Variants in QKI observed in about 807,000 individuals in gnomAD.
QKI encodes QKI, KH domain containing RNA binding, also known as KH domain-containing RNA-binding protein QKI.
Under a neutral mutation model 39.0 loss-of-function variants are expected in QKI, and 10 were observed. That is an observed-to-expected ratio of 0.26 (90% CI 0.16 to 0.43). QKI has a LOEUF of 0.43. Among genes scored for constraint, QKI ranks in the 20% least tolerant of loss-of-function variants. The pLI is 1.00. For synonymous variants in QKI, 204 were observed against 155.4 expected, an observed-to-expected ratio of 1.31 and a Z score of -2.33; for missense variants, 218 against 428.0, an observed-to-expected ratio of 0.51 and a Z score of 4.33.
chr6:163,484,639 T>C (rs1365106198), intron 3 of QKI, among the ~76,000 whole-genome samples: 1 of 152,190 alleles, frequency 6.6e-6, no homozygotes, highest in Non-Finnish European at 1.5e-5. Context: ...AGGCATTGAC[T>C]TCTCTCTAGC....
At chr6:163,442,545 A>G (rs1306811266) in intron 1 of QKI, among the ~76,000 whole-genome samples, 2 of 152,226 alleles carry the variant, frequency 1.3e-5, no homozygotes, top group Non-Finnish European at 2.9e-5. Flanking sequence ...AAGATTAGGT[A>G]GGAAATGATT....
At chr6:163,546,112 T>C (rs2128244830) in intron 4 of QKI, among the ~76,000 whole-genome samples, 1 of 150,154 alleles carries the variant, frequency 6.7e-6, no homozygotes, top group South Asian at 2.1e-4. Flanking sequence ...GTGTTTGGGG[T>C]TTTTTAAAAA....
chr6:163,452,516 A>G (rs1303716695), intron 1 of QKI, among the ~76,000 whole-genome samples: 3 of 151,956 alleles, frequency 2.0e-5, no homozygotes, highest in Non-Finnish European at 2.9e-5. Context: ...GCCTTTGTTT[A>G]CCCCCACCAA....
chr6:163,497,037 C>T (rs779747982), intron 3 of QKI, among the ~76,000 whole-genome samples: 1 of 152,108 alleles, frequency 6.6e-6, no homozygotes, highest in Non-Finnish European at 1.5e-5. Flanking sequence ...ACATACCTGC[C>T]ATGTAGTTGG....
At chr6:163,525,510 C>A (rs1056455054) in intron 3 of QKI, among the ~76,000 whole-genome samples, 2 of 152,012 alleles carry the variant, frequency 1.3e-5, no homozygotes, top group Non-Finnish European at 2.9e-5. Flanking sequence ...AGGCGCCTGC[C>A]ACCACACCTG....
chr6:163,573,255 A>G lies in QKI; in HGVS notation c.*2545A>G, dbSNP rs1273376272. On this transcript the variant is annotated 3_prime_UTR_variant, in exon 8 of 8. Coordinates refer to ENST00000361752, the MANE Select transcript of QKI (RefSeq NM_006775.3). The stretch of plus-strand genomic sequence containing the variant: ...TTCTCAGTATTATCATTCTTTATTG[A>G]ATTTATTTCTTATTAAAATATGTAG... The G allele has an allele frequency of 6.6e-6, 1 of 152,128 alleles. No homozygotes were observed. Among genetic ancestry groups the G allele is most frequent in the African/African-American group, 2.4e-5 (1 of 41,434 alleles). The allele number at this position is 152,128 out of a possible 1,614,324, so 9.4% of individuals were successfully genotyped here.
chr6:163,530,349 G>T (rs2128239987), intron 3 of QKI, among the ~76,000 whole-genome samples: 1 of 152,288 alleles, frequency 6.6e-6, no homozygotes, highest in African/African-American at 2.4e-5. Context: ...GGTTTTGTGA[G>T]TGGATTCTTA....
At chr6:163,486,601 T>C (rs1777696220) in intron 3 of QKI, among the ~76,000 whole-genome samples, 1 of 152,226 alleles carries the variant, frequency 6.6e-6, no homozygotes, top group Non-Finnish European at 1.5e-5. Flanking sequence ...AAATATATTT[T>C]AATTGGTCAA....
intron 1 of QKI, among the ~76,000 whole-genome samples, chr6:163,423,943 C>T (rs1349722251): frequency 6.6e-6 from 1 of 152,096 alleles, no homozygotes; most frequent in Non-Finnish European, 1.5e-5. Context: ...GGGTAAACAG[C>T]CCAATGATAT....
At chr6:163,551,121 A>G (rs908130210) in intron 4 of QKI, among the ~76,000 whole-genome samples, 7 of 152,206 alleles carry the variant, frequency 4.6e-5, no homozygotes, top group Admixed American at 2.6e-4. Flanking sequence ...GCATAAGGAT[A>G]TAGGAAAACA....
chr6:163,454,398 A>G (rs747175765), intron 1 of QKI, among the ~76,000 whole-genome samples: 2 of 152,078 alleles, frequency 1.3e-5, no homozygotes, highest in Non-Finnish European at 2.9e-5. Context: ...CCTTTTTTAT[A>G]TTTAATATTT....
chr6:163,507,303 C>T (rs1409893928), intron 3 of QKI, among the ~76,000 whole-genome samples: 1 of 152,080 alleles, frequency 6.6e-6, no homozygotes, highest in Non-Finnish European at 1.5e-5. Context: ...TTTCTGTTTC[C>T]GGTAATGAAT....
intron 2 of QKI, among the ~76,000 whole-genome samples, chr6:163,464,467 C>G (rs776450809): frequency 2.6e-5 from 4 of 151,464 alleles, no homozygotes; most frequent in Non-Finnish European, 4.4e-5. Context: ...TTTAGTTGGA[C>G]TAACCAAGAG....
chr6:163,487,477 C>A (rs1043934560), intron 3 of QKI, among the ~76,000 whole-genome samples: 1 of 152,128 alleles, frequency 6.6e-6, no homozygotes, highest in South Asian at 2.1e-4. Context: ...AATATGTTGT[C>A]AGTGTTAATA....
intron 7 of QKI, chr6:163,569,481 A>G (rs1282619980): frequency 1.7e-5 from 22 of 1,276,030 alleles, no homozygotes; most frequent in African/African-American, 4.6e-5. Flanking sequence ...ACCTCAGAAT[A>G]TAGTAGAAAT....
chr6:163,564,114 A>G (rs1219120401), intron 6 of QKI: 4 of 1,039,986 alleles, frequency 3.8e-6, no homozygotes, highest in Non-Finnish European at 4.6e-6. Flanking sequence ...ATTGTTGGAA[A>G]ATTTTTAAAC....
chr6:163,480,589 A>G (rs962686726), intron 3 of QKI, among the ~76,000 whole-genome samples: 4 of 152,220 alleles, frequency 2.6e-5, no homozygotes, highest in African/African-American at 7.2e-5. Context: ...TTCCTTGTCA[A>G]CTGTGTTTAA....
chr6:163,554,730 C>T (rs769870925), intron 4 of QKI, among the ~76,000 whole-genome samples: 1 of 152,152 alleles, frequency 6.6e-6, no homozygotes, highest in Non-Finnish European at 1.5e-5. Flanking sequence ...TTTCCCTTAC[C>T]CTCTGTGTCC....
At chr6:163,515,506 G>A (rs1779737402) in intron 3 of QKI, among the ~76,000 whole-genome samples, 1 of 152,002 alleles carries the variant, frequency 6.6e-6, no homozygotes, top group African/African-American at 2.4e-5. Flanking sequence ...TATAAATTGT[G>A]GTTCTTTGTG....
Sources: allele counts gnomAD v4.1 joint callset (sites outside exome capture counted in the v4.1 genomes callset), GRCh38; gene constraint gnomAD v4.1.1; transcripts MANE v1.5; gene names NCBI Gene and HGNC (gene_info 2026-07-23, HGNC 2026-07-21).